Variants in SLC38A10 observed in about 807,000 individuals in gnomAD.
SLC38A10 encodes Sodium-coupled neutral amino acid transporter 10.
In SLC38A10, 53 loss-of-function variants were observed where a neutral mutation model predicts 81.0. The observed-to-expected ratio is 0.65, with a 90% confidence interval of 0.53 to 0.82. The LOEUF (loss-of-function observed/expected upper bound fraction) is 0.82, where lower values mean the gene tolerates loss of function less well. Ranked by LOEUF, SLC38A10 falls within the 40% of genes least tolerant of loss-of-function variation. The pLI, the probability that SLC38A10 is intolerant of heterozygous loss-of-function variation, is 0.00. For synonymous variants in SLC38A10, 665 were observed against 655.3 expected, an observed-to-expected ratio of 1.01 and a Z score of -0.23; for missense variants, 1,471 against 1,545.0, an observed-to-expected ratio of 0.95 and a Z score of 0.80.
rs200987970 is a variant in SLC38A10 at position 81,252,695 on chromosome 17, C to T, written c.1457-12G>A. 8.8e-6 allele frequency: 14 copies of T among 1,586,290 alleles called. No homozygotes were observed. Among genetic ancestry groups the T allele is most frequent in the Non-Finnish European group, 6.0e-6 (7 of 1,172,114 alleles). Reference sequence around the variant, plus strand: ...AGGCACAGCAATCCCTGCAAGGGCACGGGGGACAGATGGGGTCAGGCTGAG... The same window carrying T: ...AGGCACAGCAATCCCTGCAAGGGCATGGGGGACAGATGGGGTCAGGCTGAG... On this transcript the variant is annotated splice_polypyrimidine_tract_variant and intron_variant, in intron 12 of 15. Coordinates refer to ENST00000374759, the MANE Select transcript of SLC38A10 (RefSeq NM_001037984.3).
chr17:81,253,769 T>TCAC lies in SLC38A10; in HGVS notation c.1289-530_1289-529insGTG, dbSNP rs1350930069. On this transcript the variant is annotated intron_variant, in intron 11 of 15. Transcript: ENST00000374759. The surrounding 1 kb of genome is among the most constrained non-coding windows in gnomAD (Gnocchi z 4.1). ...ATCACCATCATCATCACCGTCACCA[T>TCAC]CATCACCATCTCCATCCCTACCACC... 2.4e-4 allele frequency among the ~76,000 whole-genome samples: 25 copies of TCAC among 103,146 alleles called. 1 individual carries two copies. Among genetic ancestry groups the TCAC allele is most frequent in the African/African-American group, 8.6e-4 (24 of 27,954 alleles). The allele number at this position is 103,146 out of a possible 152,430, so 67.7% of individuals were successfully genotyped here.
At chr17:81,266,704 C>T (rs945423552) in intron 10 of SLC38A10, among the ~76,000 whole-genome samples, 4 of 152,080 alleles carry the variant, frequency 2.6e-5, no homozygotes, top group African/African-American at 9.7e-5. Context: ...CCAACAGCCA[C>T]CTGGGAAACA....
At chr17:81,248,007 G>A (rs1326320504) in intron 14 of SLC38A10, among the ~76,000 whole-genome samples, 7 of 136,644 alleles carry the variant, frequency 5.1e-5, no homozygotes, top group African/African-American at 1.7e-4. Context: ...ACCCAGGCTG[G>A]AGTGCAGTGG....
chr17:81,287,731 C>T (rs1341006106), intron 2 of SLC38A10, among the ~76,000 whole-genome samples: 1 of 152,236 alleles, frequency 6.6e-6, no homozygotes, highest in East Asian at 1.9e-4. Context: ...TTCTTCCAGT[C>T]CTTCACATGT....
Position 81,272,618 on chromosome 17 carries a change from C to A in SLC38A10, c.922G>T (p.Gly308Cys), listed in dbSNP as rs867824612. 1 of 1,545,804 alleles carries A rather than the reference C, an allele frequency of 6.5e-7. No individual in the cohort carries two copies. Among genetic ancestry groups the A allele is most frequent in the South Asian group, 1.2e-5 (1 of 81,784 alleles). The change falls in exon 9 of 16, where the codon GGC becomes TGC. Residue 308 changes from glycine to cysteine, a missense_variant. By Grantham distance (159) the Gly-to-Cys change is radical. Around this residue, in one of 2 missense-constraint regions of SLC38A10, gnomAD observed 720 missense variants for 827.7 expected, o/e 0.87. Transcript: ENST00000374759. Reference protein sequence around the residue: ...TLLCEQQQKDGTFAAGGYMPP... With the variant: ...TLLCEQQQKDCTFAAGGYMPP... ...ATGTAGCCCCCTGCTGCAAAGGTGC[C>A]ATCTTTTTGCTGTACAAAAGAAAAA...
At chr17:81,272,670 C>T (rs2063127751) in intron 8 of SLC38A10, 43 bp from the exon 9 acceptor site, 4 of 1,359,722 alleles carry the variant, frequency 2.9e-6, no homozygotes, top group Non-Finnish European at 3.0e-6. Flanking sequence ...GACTGATTTC[C>T]TCCACCACTC....
In SLC38A10 at chr17:81,277,112, G is replaced by A. The variant is rs915676050; in HGVS notation, c.648C>T (p.Asp216=). 1 of 1,614,018 alleles carries A rather than the reference G, an allele frequency of 6.2e-7. No individual in the cohort carries two copies. The highest frequency in any genetic ancestry group is 1.7e-5 in the Admixed American group (1 of 60,020). ...TTTTCACTGACGGCTCATCCAGGCTGTCGTAGGTGGGCAGCACCTGGCTGT... is the reference window on the plus strand; with the variant it reads ...TTTTCACTGACGGCTCATCCAGGCTATCGTAGGTGGGCAGCACCTGGCTGT... The part of the protein sequence containing the change: ...ACQSQVLPTY[D]SLDEPSVKTM... The change falls in exon 7 of 16, where the codon GAC becomes GAT. Residue 216 remains aspartate, a synonymous_variant. Transcript: ENST00000374759. The surrounding 1 kb of genome is among the most constrained non-coding windows in gnomAD (Gnocchi z 4.5).
chr17:81,270,748 G>A lies in SLC38A10; in HGVS notation c.1131+170C>T, dbSNP rs1355608808. 6.6e-6 allele frequency among the ~76,000 whole-genome samples: 1 copy of A among 152,286 alleles called. No individual in the cohort carries two copies. Among genetic ancestry groups the A allele is most frequent in the East Asian group, 1.9e-4 (1 of 5,178 alleles). ...CTGCTGGGCAAAGACCGTGCGTCCT[G>A]GTGAACCCAGGGTTCCCCAGGCTGA... On this transcript the variant is annotated intron_variant, in intron 10 of 15. Coordinates refer to ENST00000374759, the MANE Select transcript of SLC38A10 (RefSeq NM_001037984.3). This position sits in a 1 kb window ranked among gnomAD's most constrained non-coding sequence, Gnocchi z 4.0.
chr17:81,285,991 C>T (rs1265259462), intron 2 of SLC38A10, among the ~76,000 whole-genome samples: 1 of 152,138 alleles, frequency 6.6e-6, no homozygotes, highest in East Asian at 1.9e-4. Flanking sequence ...AAGCCTGGCA[C>T]CCCTTGAGTT....
intron 9 of SLC38A10, 94 bp from the exon 10 acceptor site, chr17:81,271,118 A>G (rs2063112118): frequency 3.9e-6 from 4 of 1,033,064 alleles, no homozygotes; most frequent in South Asian, 2.7e-5. Context: ...TGAGCAAGCC[A>G]GCATTGAAGG....
Position 81,249,619 on chromosome 17 carries a change from C to T in SLC38A10, c.2065+1874G>A, listed in dbSNP as rs531742911. Among the ~76,000 whole-genome samples, 15 of 151,548 alleles carry T rather than the reference C, an allele frequency of 9.9e-5. No homozygotes were observed. In the South Asian group the frequency reaches 2.9e-3, roughly 30 times the overall value. ...GCCACGTGGGACACATGTGAAGCACCGTGGAGGAGACAGGCTGTTCCTACA... is the reference window on the plus strand; with the variant it reads ...GCCACGTGGGACACATGTGAAGCACTGTGGAGGAGACAGGCTGTTCCTACA... On this transcript the variant is annotated intron_variant, in intron 14 of 15. Coordinates refer to ENST00000374759, the MANE Select transcript of SLC38A10 (RefSeq NM_001037984.3).
At position 81,286,985 on chromosome 17, in the gene SLC38A10, C is replaced by T. The variant is rs983016361; in HGVS notation, c.218-2090G>A. Reference sequence around the variant, plus strand: ...GCGACAGCTGAAGGAGGCTGAATGACTGATGTATCTGTGTGTCTTCTGAAG... The same window carrying T: ...GCGACAGCTGAAGGAGGCTGAATGATTGATGTATCTGTGTGTCTTCTGAAG... On this transcript the variant is annotated intron_variant, in intron 2 of 15. Coordinates refer to ENST00000374759, the MANE Select transcript of SLC38A10 (RefSeq NM_001037984.3). The surrounding 1 kb of genome is among the most constrained non-coding windows in gnomAD (Gnocchi z 6.0). Among the ~76,000 whole-genome samples, 1 of 152,188 alleles carries T rather than the reference C, an allele frequency of 6.6e-6. No homozygotes were observed. Among genetic ancestry groups the T allele is most frequent in the Non-Finnish European group, 1.5e-5 (1 of 68,042 alleles).
At chr17:81,290,213 T>C (rs886882039) in intron 1 of SLC38A10, among the ~76,000 whole-genome samples, 2 of 152,210 alleles carry the variant, frequency 1.3e-5, no homozygotes, top group Non-Finnish European at 2.9e-5. Context: ...TCTCATAAGT[T>C]AAATAGACAC....
At chr17:81,275,857 G>A (rs1186331223) in intron 8 of SLC38A10, 112 bp downstream of exon 8, 5 of 1,294,690 alleles carry the variant, frequency 3.9e-6, no homozygotes, top group Non-Finnish European at 5.3e-6. Flanking sequence ...GGACTCCTCT[G>A]ACGCAAATCC....
intron 13 of SLC38A10, 60 bp from the exon 14 acceptor site, chr17:81,251,672 G>T (rs996225378): frequency 1.4e-6 from 2 of 1,438,062 alleles, no homozygotes; most frequent in Non-Finnish European, 1.8e-6. Context: ...GGTTTGGGGG[G>T]TTGGGGGACA....
rs778461726 is a variant in SLC38A10, at chr17:81,287,351, C to T, written c.217+2340G>A. Among the ~76,000 whole-genome samples, 8 of 152,198 alleles carry T rather than the reference C, an allele frequency of 5.3e-5. 1 individual carries two copies. Among genetic ancestry groups the T allele is most frequent in the Admixed American group, 4.6e-4 (7 of 15,282 alleles). On this transcript the variant is annotated intron_variant, in intron 2 of 15. Coordinates refer to ENST00000374759, the MANE Select transcript of SLC38A10 (RefSeq NM_001037984.3). ...CTGTGTGCGAGGACGGGACCCAGCC[C>T]GGCGCCTCCTGAAGACTGCAGTGTG... is the stretch of plus-strand genomic sequence containing the variant.
chr17:81,279,689 A>C (rs2063192462), intron 6 of SLC38A10: 2 of 155,702 alleles, frequency 1.3e-5, no homozygotes, highest in South Asian at 3.7e-4. Context: ...CGTGGCCACC[A>C]CCAAAAAGCC....
intron 6 of SLC38A10, chr17:81,280,004 A>G: frequency 8.7e-6 from 3 of 346,118 alleles, no homozygotes; most frequent in South Asian, 6.6e-5. Context: ...AGCCCCCCGC[A>G]TGCCGATGGT....
intron 10 of SLC38A10, 135 bp from the exon 11 acceptor site, chr17:81,260,529 G>T: frequency 2.5e-6 from 3 of 1,219,324 alleles, no homozygotes; most frequent in Non-Finnish European, 2.2e-6. Flanking sequence ...AGTCCCCCGA[G>T]GACGGGACAG....
Sources: allele counts gnomAD v4.1 joint callset (sites outside exome capture counted in the v4.1 genomes callset), GRCh38; gene constraint gnomAD v4.1.1; regional missense constraint gnomAD v4.1.1; non-coding constraint Gnocchi (gnomAD v3.1); transcripts MANE v1.5; gene names NCBI Gene and HGNC (gene_info 2026-07-23, HGNC 2026-07-21).